The following PLAC1 variants were observed in gnomAD, a reference collection of about 807,000 sequenced individuals.
PLAC1 encodes placenta-specific protein 1.
For missense variants in PLAC1, 136 were observed against 163.2 expected, an observed-to-expected ratio of 0.83 and a Z score of 0.91; for synonymous variants, 68 against 62.1, an observed-to-expected ratio of 1.09 and a Z score of -0.44.
intron 2 of PLAC1, among the ~76,000 whole-genome samples, chrX:134,692,900 G>A (rs903846229): frequency 3.6e-5 from 4 of 111,912 alleles, no homozygotes; most frequent in African/African-American, 9.8e-5. Flanking sequence ...GGGAGCAATC[G>A]GTGTCAACAA....
chrX:134,648,295 C>T (rs1177993795), intron 1 of PLAC1, among the ~76,000 whole-genome samples: 1 of 110,895 alleles, frequency 9.0e-6, no homozygotes, highest in Non-Finnish European at 1.9e-5. Flanking sequence ...CAAGAGGGGA[C>T]AAGGGAATGA....
At chrX:134,625,484 T>G (rs1602851525) in intron 1 of PLAC1, among the ~76,000 whole-genome samples, 1 of 112,185 alleles carries the variant, frequency 8.9e-6, no homozygotes, top group Admixed American at 9.4e-5. Flanking sequence ...TCAAAGTGAT[T>G]CAGCCAAATA....
At chrX:134,576,535 CAAA>C (rs33954763) in intron 2 of PLAC1, among the ~76,000 whole-genome samples, 2 of 60,260 alleles carry the variant, frequency 3.3e-5, no homozygotes. Flanking sequence ...GACTCTGTCT[CAAA>C]AAAAAAAAAA....
rs147390871 is a variant in PLAC1 at position 134,571,300 on chromosome X, A to G, written c.-58-4560T>C. 4.3e-3 allele frequency among the ~76,000 whole-genome samples: 479 copies of G among 112,392 alleles called. 1 individual carries two copies. Among genetic ancestry groups the G allele is most frequent in the Non-Finnish European group, 5.4e-3 (287 of 53,303 alleles). Reference sequence around the variant, plus strand: ...GATACAGTGTTCTATGTATACATGTAACAATGATCTATGTTTACATTGTGG... The same window carrying G: ...GATACAGTGTTCTATGTATACATGTGACAATGATCTATGTTTACATTGTGG... On this transcript the variant is annotated intron_variant, in intron 2 of 2. Coordinates refer to ENST00000359237, the MANE Select transcript of PLAC1 (RefSeq NM_021796.4).
rs2078519308 is a variant in PLAC1, at chrX:134,687,014, T to A, written n.174+46421A>T. Reference sequence around the variant, plus strand: ...ATAAAGCTTCTCATTGCCCCTCAAATCCTGTGCCACTCTTAAGATCAATGT... The same window carrying A: ...ATAAAGCTTCTCATTGCCCCTCAAAACCTGTGCCACTCTTAAGATCAATGT... On this transcript the variant is annotated intron_variant and non_coding_transcript_variant, in intron 2 of 2. Transcript: ENST00000466797. 2.7e-5 allele frequency among the ~76,000 whole-genome samples: 3 copies of A among 111,421 alleles called. No homozygotes were observed. The South Asian group carries it at 1.1e-3, about 42-fold the overall frequency.
intron 2 of PLAC1, among the ~76,000 whole-genome samples, chrX:134,576,933 C>T (rs1364712834): frequency 8.9e-6 from 1 of 111,869 alleles, no homozygotes; most frequent in East Asian, 2.8e-4. Flanking sequence ...TAAGACAATA[C>T]ATTTTTTGTT....
chrX:134,636,940 G>A (rs2078286338), intron 1 of PLAC1, among the ~76,000 whole-genome samples: 1 of 112,296 alleles, frequency 8.9e-6, no homozygotes, highest in African/African-American at 3.2e-5. Flanking sequence ...TTCATTCAGC[G>A]AATGAATGCA....
At chrX:134,577,703 A>G (rs1274919429) in intron 2 of PLAC1, among the ~76,000 whole-genome samples, 2 of 108,780 alleles carry the variant, frequency 1.8e-5, no homozygotes, top group Non-Finnish European at 3.8e-5. Context: ...AAAAAAAAAG[A>G]TGGTGTTTAA....
intron 2 of PLAC1, among the ~76,000 whole-genome samples, chrX:134,569,864 T>G (rs891593132): frequency 4.6e-5 from 5 of 107,857 alleles, no homozygotes; most frequent in Non-Finnish European, 9.6e-5. Flanking sequence ...CTTGCTCTGT[T>G]GTCCAGGCTG....
intron 1 of PLAC1, among the ~76,000 whole-genome samples, chrX:134,757,350 T>A (rs1426892670): frequency 1.8e-5 from 2 of 113,298 alleles, no homozygotes; most frequent in Non-Finnish European, 3.7e-5. Context: ...CTATGTGGTA[T>A]CTTTGCCAAA....
chrX:134,598,943 A>G (rs2078075283), intron 2 of PLAC1, among the ~76,000 whole-genome samples: 1 of 111,756 alleles, frequency 8.9e-6, no homozygotes, highest in Non-Finnish European at 1.9e-5. Flanking sequence ...ATTATACTAG[A>G]AAAACCCATC....
intron 2 of PLAC1, among the ~76,000 whole-genome samples, chrX:134,572,276 T>C (rs2077912067): frequency 8.9e-6 from 1 of 112,162 alleles, no homozygotes; most frequent in African/African-American, 3.2e-5. Context: ...TGAGAGCCTT[T>C]TAAAATGGAG....
At chrX:134,726,176 G>A (rs1210484171) in intron 2 of PLAC1, among the ~76,000 whole-genome samples, 1 of 111,500 alleles carries the variant, frequency 9.0e-6, no homozygotes, top group Non-Finnish European at 1.9e-5. Flanking sequence ...TTCTCACTAG[G>A]ATGTTTGCAC....
chrX:134,754,479 G>A (rs1024112539), intron 1 of PLAC1, among the ~76,000 whole-genome samples: 4 of 111,052 alleles, frequency 3.6e-5, no homozygotes, highest in Non-Finnish European at 7.6e-5. Flanking sequence ...GCTACCAAGA[G>A]ACTCCTTTTA....
At chrX:134,667,694 T>C (rs1371060095) in intron 2 of PLAC1, among the ~76,000 whole-genome samples, 1 of 111,185 alleles carries the variant, frequency 9.0e-6, no homozygotes, top group Non-Finnish European at 1.9e-5. Flanking sequence ...GTCAAGGCAG[T>C]AAGATTACTT....
chrX:134,582,038 G>A (rs2077977602), intron 2 of PLAC1, among the ~76,000 whole-genome samples: 1 of 112,255 alleles, frequency 8.9e-6, no homozygotes, highest in South Asian at 3.7e-4. Flanking sequence ...TCATTTTTCT[G>A]ACTGCATAGA....
At chrX:134,663,452 G>A (rs969941384), upstream of PLAC1, among the ~76,000 whole-genome samples, 4 of 112,810 alleles carry the variant, frequency 3.5e-5, no homozygotes, top group African/African-American at 1.3e-4. Context: ...GTGTGTGCGC[G>A]CACGCGCGTG....
intron 2 of PLAC1, among the ~76,000 whole-genome samples, chrX:134,676,497 A>G (rs894122071): frequency 8.9e-6 from 1 of 111,973 alleles, no homozygotes; most frequent in Admixed American, 9.4e-5. Flanking sequence ...GTATTGTCCC[A>G]GAGATGATAA....
At chrX:134,607,921 A>C (rs1335709376) in intron 1 of PLAC1, among the ~76,000 whole-genome samples, 1 of 111,597 alleles carries the variant, frequency 9.0e-6, no homozygotes, top group East Asian at 2.8e-4. Flanking sequence ...AATGCATCCT[A>C]GACAACACCT....
Sources: gnomAD v4.1 joint callset for allele counts (sites outside exome capture counted in the v4.1 genomes callset) on GRCh38, gnomAD v4.1.1 for gene constraint, MANE v1.5 for transcripts, NCBI Gene and HGNC (gene_info 2026-07-23, HGNC 2026-07-21) for gene names.